PCYT1A: variants seen among roughly 807,000 people sequenced by gnomAD.
PCYT1A encodes the protein phosphate cytidylyltransferase 1A, choline, also known as choline-phosphate cytidylyltransferase A.
Under a neutral mutation model 43.7 loss-of-function variants are expected in PCYT1A, and 25 were observed. That is an observed-to-expected ratio of 0.57 (90% confidence interval 0.42 to 0.80). The LOEUF is 0.80. Ranked by LOEUF, PCYT1A falls within the 30% of genes least tolerant of loss-of-function variation. The pLI is 0.00. For synonymous variants in PCYT1A, 172 were observed against 170.7 expected (o/e 1.01, Z -0.06); for missense variants, 421 against 474.2 (o/e 0.89, Z 1.04).
intron 1 of PCYT1A, among the ~76,000 whole-genome samples, chr3:196,286,786 TG>T (rs1327881188): frequency 5.3e-5 from 8 of 152,176 alleles, no homozygotes; most frequent in Admixed American, 3.3e-4. Flanking sequence ...TGGTGGCGCA[TG>T]CCTGTAATCC....
rs1725805648 is a variant in PCYT1A at position 196,282,831 on chromosome 3, A to T, written c.-11+4784T>A. ...TAAAAAAACTACCTGTTTTTTATTA[A>T]GGGTCATATGCTCATTTTCTATAGA... On this transcript the variant is annotated intron_variant, in intron 1 of 8. Coordinates refer to ENST00000431016, the MANE Select transcript of PCYT1A (RefSeq NM_001312673.2). This position sits in a 1 kb window ranked among gnomAD's most constrained non-coding sequence, Gnocchi z 4.3. Among the ~76,000 whole-genome samples, 1 of 152,154 alleles carries T rather than the reference A, an allele frequency of 6.6e-6. No individual in the cohort carries two copies. The highest frequency in any genetic ancestry group is 2.4e-5 in the African/African-American group (1 of 41,436).
intron 2 of PCYT1A, among the ~76,000 whole-genome samples, chr3:196,259,102 C>T (rs939464952): frequency 2.4e-4 from 37 of 152,164 alleles, no homozygotes; most frequent in Admixed American, 1.2e-3. Context: ...TCTGCAGCCT[C>T]CAACTCTGGG....
At chr3:196,248,099 T>G in intron 4 of PCYT1A, 108 bp downstream of exon 4, 1 of 724,950 alleles carries the variant, frequency 1.4e-6, no homozygotes, top group Non-Finnish European at 2.5e-6. Flanking sequence ...CTGTACTACA[T>G]CCTTCATTTA....
chr3:196,258,682 G>A (rs963217980), intron 2 of PCYT1A, among the ~76,000 whole-genome samples: 13 of 151,034 alleles, frequency 8.6e-5, no homozygotes, highest in South Asian at 4.2e-4. Context: ...CCAACTCCCC[G>A]ACTCAAGTGA....
Position 196,272,750 on chromosome 3 carries a change from T to C in PCYT1A, c.-10-2209A>G, listed in dbSNP as rs1725470450. Among the ~76,000 whole-genome samples the C allele has an allele frequency of 1.3e-5, 2 of 152,242 alleles. 1 individual carries two copies. The highest frequency in any genetic ancestry group is 6.3e-3 in the Middle Eastern group (2 of 316). ...TTCCCCCAAAGGAACTTATTTATTA[T>C]TGTCTCATTTAGCAGAGAGTTTCTA... On this transcript the variant is annotated intron_variant, in intron 1 of 8. Coordinates refer to ENST00000431016, the MANE Select transcript of PCYT1A (RefSeq NM_001312673.2).
Position 196,242,914 on chromosome 3 carries a change from T to C in PCYT1A, c.487-274A>G. Reference sequence around the variant, plus strand: ...ACCCTCACTCTGTATACCAGTCATCTTGCTGTGGTCAATAGGGCCAGAGGG... The same window carrying C: ...ACCCTCACTCTGTATACCAGTCATCCTGCTGTGGTCAATAGGGCCAGAGGG... On this transcript the variant is annotated intron_variant, in intron 5 of 8. Coordinates refer to ENST00000431016, the MANE Select transcript of PCYT1A (RefSeq NM_001312673.2). The surrounding 1 kb of genome is among the most constrained non-coding windows in gnomAD (Gnocchi z 4.2). 2.2e-6 allele frequency: 1 copy of C among 451,636 alleles called. No individual in the cohort carries two copies. 28.0% of individuals were successfully genotyped at this position (451,636 alleles called of 1,614,324 possible).
rs185087345 is a variant in PCYT1A, at chr3:196,265,073, A to T, written c.117+5342T>A. Among the ~76,000 whole-genome samples the T allele has an allele frequency of 4.9e-3, 737 of 150,436 alleles. 7 individuals are homozygous for T. The highest frequency in any genetic ancestry group is 0.013 in the African/African-American group (518 of 41,096). On this transcript the variant is annotated intron_variant, in intron 2 of 8. Coordinates refer to ENST00000431016, the MANE Select transcript of PCYT1A (RefSeq NM_001312673.2). ...TTATTTTTATTTTATTTATTTATTT[A>T]TTTTTTTTGAGACAGAGTCTCGCTT...
rs182736103 is a variant in PCYT1A at position 196,254,053 on chromosome 3, G to C, written c.217+3735C>G. ...ATAGATTTTTTTTTTTTGAGACGGA[G>C]TCTCACTCTGTCGCCCAGGCTAGAG... On this transcript the variant is annotated intron_variant, in intron 3 of 8. Transcript: ENST00000431016. 7.4e-4 allele frequency among the ~76,000 whole-genome samples: 111 copies of C among 149,166 alleles called. 1 individual carries two copies. The highest frequency in any genetic ancestry group is 1.9e-3 in the Admixed American group (29 of 15,004).
chr3:196,241,567 A>G, intron 7 of PCYT1A: 1 of 1,299,416 alleles, frequency 7.7e-7, no homozygotes, highest in Non-Finnish European at 1.0e-6. Flanking sequence ...CTGTGTGGGA[A>G]GTGGTGTGTC....
In PCYT1A at chr3:196,238,780, A is replaced by G; in HGVS notation, c.1012T>C (p.Phe338Leu). The G allele has an allele frequency of 2.5e-6, 4 of 1,588,876 alleles. No individual in the cohort carries two copies. Among genetic ancestry groups the G allele is most frequent in the Non-Finnish European group, 3.4e-6 (4 of 1,168,586 alleles). ...RSPSPSFRWPFSGKTSPPCSP... is the reference protein window; with the variant it reads ...RSPSPSFRWPLSGKTSPPCSP... ...CAAGGTGGGGAAGTCTTGCCGGAGA[A>G]GGGCCATCGGAAAGAGGGGGAGGGG... Residue 338 changes from phenylalanine (F) to leucine (L), a missense_variant, in exon 9 of 9, where the codon TTC (phenylalanine) becomes CTC (leucine). Phe to Leu is a conservative substitution (Grantham distance 22). This residue lies in a region of PCYT1A where 108 missense variants were observed against 85.7 expected (regional missense o/e 1.26). Transcript: ENST00000431016.
chr3:196,286,061 CTTTTT>C (rs533707821), intron 1 of PCYT1A, among the ~76,000 whole-genome samples: 13 of 124,488 alleles, frequency 1.0e-4, no homozygotes, highest in East Asian at 9.9e-4. Flanking sequence ...ACCACTGTCC[CTTTTT>C]TTTTTTTTTT....
chr3:196,269,317 C>T (rs59815219), intron 2 of PCYT1A, among the ~76,000 whole-genome samples: 73,664 of 151,942 alleles, frequency 0.48, 18,481 homozygotes, highest in East Asian at 0.89. Context: ...TAAGTATTAA[C>T]TGTTTCAGAA....
Position 196,247,821 on chromosome 3 carries a change from A to G in PCYT1A, c.335-303T>C. On this transcript the variant is annotated intron_variant, in intron 4 of 8. Transcript: ENST00000431016. The surrounding 1 kb of genome is among the most constrained non-coding windows in gnomAD (Gnocchi z 4.8). Reference sequence around the variant, plus strand: ...GCGTGTCTGCATCAATTAAGTCCTTAAACATGTTTTCCTGTTTTATTCACA... The same window carrying G: ...GCGTGTCTGCATCAATTAAGTCCTTGAACATGTTTTCCTGTTTTATTCACA... 1 of 542,992 alleles carries G rather than the reference A, an allele frequency of 1.8e-6. No individual in the cohort carries two copies. The highest frequency in any genetic ancestry group is 3.4e-6 in the Non-Finnish European group (1 of 296,694). 33.6% of individuals were successfully genotyped at this position (542,992 alleles called of 1,614,324 possible). A position where few individuals can be genotyped will look rare whatever the true frequency, so the allele number is the denominator to read the frequency against.
chr3:196,253,966 T>C (rs575299970), intron 3 of PCYT1A, among the ~76,000 whole-genome samples: 1 of 149,554 alleles, frequency 6.7e-6, no homozygotes, highest in East Asian at 1.9e-4. Context: ...ATAATACATA[T>C]TTAATATCAT....
At chr3:196,255,429 GAAACTATA>G (rs1387681647) in intron 3 of PCYT1A, among the ~76,000 whole-genome samples, 1 of 152,120 alleles carries the variant, frequency 6.6e-6, no homozygotes, top group Non-Finnish European at 1.5e-5. Flanking sequence ...ACTTAATGAA[GAAACTATA>G]AAGTAGATAA....
At chr3:196,261,588 G>A (rs1176703021) in intron 2 of PCYT1A, among the ~76,000 whole-genome samples, 3 of 152,074 alleles carry the variant, frequency 2.0e-5, no homozygotes, top group African/African-American at 4.8e-5. Context: ...TCGGGAGTTC[G>A]AGACCAGCCT....
At chr3:196,267,587 T>G (rs1450448779) in intron 2 of PCYT1A, among the ~76,000 whole-genome samples, 1 of 151,984 alleles carries the variant, frequency 6.6e-6, no homozygotes, top group Non-Finnish European at 1.5e-5. Context: ...CATGGTGATG[T>G]GCACCTATAT....
At position 196,273,717 on chromosome 3, in the gene PCYT1A, G is replaced by T. The variant is rs1320042280; in HGVS notation, c.-10-3176C>A. ...ATGGCTGAGTCCAGGGTTTCTACGG[G>T]CTTCAGCGGGCAGGAAGTGCATGCT... On this transcript the variant is annotated intron_variant, in intron 1 of 8. Transcript: ENST00000431016. This position sits in a 1 kb window ranked among gnomAD's most constrained non-coding sequence, Gnocchi z 4.1. 1.3e-5 allele frequency among the ~76,000 whole-genome samples: 2 copies of T among 152,192 alleles called. No homozygotes were observed. Among genetic ancestry groups the T allele is most frequent in the Non-Finnish European group, 2.9e-5 (2 of 68,022 alleles).
rs1333528503 is a variant in PCYT1A, at chr3:196,277,009, C to T, written c.-10-6468G>A. ...CTTTGAGAGGCCAAGGCAGGCGAAT[C>T]ACCTGAGGTCTGGAGTTCAAGACCA... On this transcript the variant is annotated intron_variant, in intron 1 of 8. Transcript: ENST00000431016. This position sits in a 1 kb window ranked among gnomAD's most constrained non-coding sequence, Gnocchi z 4.1. 6.6e-6 allele frequency among the ~76,000 whole-genome samples: 1 copy of T among 151,620 alleles called. No individual in the cohort carries two copies. The highest frequency in any genetic ancestry group is 1.5e-5 in the Non-Finnish European group (1 of 67,990).
Sources: gnomAD v4.1 joint callset for allele counts (sites outside exome capture counted in the v4.1 genomes callset) on GRCh38, gnomAD v4.1.1 for gene constraint, gnomAD v4.1.1 regional missense constraint, Gnocchi (gnomAD v3.1) non-coding constraint, MANE v1.5 for transcripts, NCBI Gene and HGNC (gene_info 2026-07-23, HGNC 2026-07-21) for gene names.